The following MACROD2 variants were observed in gnomAD, a reference collection of about 807,000 sequenced individuals.
MACROD2 encodes ADP-ribose glycohydrolase MACROD2.
In MACROD2, 36 loss-of-function variants were observed where a neutral mutation model predicts 70.4. The ratio of observed to expected loss-of-function variants is 0.51; its 90% CI spans 0.39 to 0.68. MACROD2 has a LOEUF of 0.68. MACROD2 is among the 30% of genes least tolerant of loss of function. The pLI, the probability that MACROD2 is intolerant of heterozygous loss-of-function variation, is 0.00. For synonymous variants in MACROD2, 172 were observed against 178.8 expected (o/e 0.96, Z 0.30); for missense variants, 496 against 538.4 (o/e 0.92, Z 0.78).
intron 3 of MACROD2, among the ~76,000 whole-genome samples, chr20:14,349,914 A>T (rs1359898712): frequency 6.7e-6 from 1 of 149,018 alleles, no homozygotes; most frequent in Non-Finnish European, 1.5e-5. Context: ...ACGCCCGGCT[A>T]ATTTTTTGTA....
intron 3 of MACROD2, among the ~76,000 whole-genome samples, chr20:14,386,346 A>G (rs942408856): frequency 9.9e-5 from 15 of 152,246 alleles, no homozygotes; most frequent in African/African-American, 3.4e-4. Context: ...GAATTCTGCC[A>G]TACTCTACCC....
rs16995072 is a variant in MACROD2 at position 14,837,892 on chromosome 20, T to G, written c.418+152933T>G. ...TAGATTTTTTTTTTTCAATGATACA[T>G]TCCACATTCCCCCTGAGGGAAATGT... On this transcript the variant is annotated intron_variant, in intron 5 of 17. Transcript: ENST00000684519. Among the ~76,000 whole-genome samples, 733 of 151,600 alleles carry G rather than the reference T, an allele frequency of 4.8e-3. 8 individuals carry two copies. The highest frequency in any genetic ancestry group is 0.017 in the African/African-American group (701 of 41,398).
intron 3 of MACROD2, among the ~76,000 whole-genome samples, chr20:14,129,519 A>C (rs554542817): frequency 2.0e-5 from 3 of 152,352 alleles, no homozygotes; most frequent in African/African-American, 7.2e-5. Context: ...AGAATTTGGA[A>C]TATTACATAA....
At chr20:14,313,029 T>C (rs551938964) in intron 3 of MACROD2, among the ~76,000 whole-genome samples, 1 of 152,380 alleles carries the variant, frequency 6.6e-6, no homozygotes, top group East Asian at 1.9e-4. Context: ...TAAAAATGTC[T>C]ACATTTAACA....
intron 15 of MACROD2, among the ~76,000 whole-genome samples, chr20:15,990,542 A>G (rs1176784242): frequency 6.6e-6 from 1 of 152,222 alleles, no homozygotes; most frequent in Admixed American, 6.5e-5. Flanking sequence ...TGTAGTGTGG[A>G]ATAGTAATCC....
intron 5 of MACROD2, among the ~76,000 whole-genome samples, chr20:15,039,542 G>A (rs2075339345): frequency 2.6e-5 from 4 of 152,128 alleles, no homozygotes; most frequent in Admixed American, 6.5e-5. Flanking sequence ...TGCATGGCCA[G>A]GTGCCATACT....
intron 3 of MACROD2, among the ~76,000 whole-genome samples, chr20:14,249,557 A>G (rs2081994087): frequency 6.6e-6 from 1 of 152,086 alleles, no homozygotes; most frequent in South Asian, 2.1e-4. Context: ...TGTCTCCAGC[A>G]TCAAAATTAG....
chr20:15,069,641 A>G lies in MACROD2; in HGVS notation c.419-160299A>G, dbSNP rs146176549. 1.8e-3 allele frequency among the ~76,000 whole-genome samples: 278 copies of G among 152,346 alleles called. 3 individuals carry two copies. The highest frequency in any genetic ancestry group is 4.3e-3 in the South Asian group (21 of 4,832). On this transcript the variant is annotated intron_variant, in intron 5 of 17. Coordinates refer to ENST00000684519, the MANE Select transcript of MACROD2 (RefSeq NM_001351661.2). ...AGCTTCAGCTATAAGGGCCCCAGGTACAGCTTGGGCTGCCACTGTGGAGAG... is the reference window on the plus strand; with the variant it reads ...AGCTTCAGCTATAAGGGCCCCAGGTGCAGCTTGGGCTGCCACTGTGGAGAG...
At chr20:14,556,290 A>G (rs73901282) in intron 4 of MACROD2, among the ~76,000 whole-genome samples, 7,214 of 152,132 alleles carry the variant, frequency 0.047, 581 homozygotes, top group African/African-American at 0.16. Flanking sequence ...ATACAGTGCT[A>G]CGAAGATGGC....
chr20:14,226,742 C>G (rs898144367), intron 3 of MACROD2, among the ~76,000 whole-genome samples: 25 of 152,240 alleles, frequency 1.6e-4, no homozygotes, highest in Non-Finnish European at 3.4e-4. Context: ...GCTGCCTTCC[C>G]GCGGGGCAGG....
At chr20:14,168,432 TAAAG>T (rs1427610827) in intron 3 of MACROD2, among the ~76,000 whole-genome samples, 1 of 152,200 alleles carries the variant, frequency 6.6e-6, no homozygotes, top group Non-Finnish European at 1.5e-5. Context: ...GCTTAATTTT[TAAAG>T]AAAAATGGAG....
At chr20:14,479,402 C>T (rs145813615) in intron 3 of MACROD2, among the ~76,000 whole-genome samples, 27 of 152,198 alleles carry the variant, frequency 1.8e-4, no homozygotes, top group African/African-American at 5.5e-4. Flanking sequence ...ATCAGCTTAT[C>T]TTCAGTGGGG....
At chr20:15,613,331 C>T (rs2048995957) in intron 8 of MACROD2, among the ~76,000 whole-genome samples, 1 of 152,176 alleles carries the variant, frequency 6.6e-6, no homozygotes, top group African/African-American at 2.4e-5. Flanking sequence ...GGCATGTGAG[C>T]ATGGCAGCAT....
chr20:14,991,321 T>A (rs1412483532), intron 5 of MACROD2, among the ~76,000 whole-genome samples: 2 of 152,106 alleles, frequency 1.3e-5, no homozygotes, highest in Non-Finnish European at 2.9e-5. Flanking sequence ...AAGAATTGAC[T>A]ACACATCAAA....
At chr20:15,872,068 C>T (rs1370752994) in intron 9 of MACROD2, among the ~76,000 whole-genome samples, 1 of 152,152 alleles carries the variant, frequency 6.6e-6, no homozygotes, top group East Asian at 1.9e-4. Flanking sequence ...CTCCGTAATG[C>T]TTCTTCCCTT....
intron 15 of MACROD2, among the ~76,000 whole-genome samples, chr20:16,033,965 G>A (rs768275904): frequency 2.0e-5 from 3 of 151,950 alleles, no homozygotes; most frequent in East Asian, 3.9e-4. Flanking sequence ...TTGTTGAATG[G>A]CATTTGTTGT....
At chr20:14,447,670 A>G (rs570953414) in intron 3 of MACROD2, among the ~76,000 whole-genome samples, 131 of 151,978 alleles carry the variant, frequency 8.6e-4, no homozygotes, top group Non-Finnish European at 1.4e-3. Flanking sequence ...GGCCTTTGGA[A>G]GCTAAGTAGA....
chr20:14,114,327 C>A (rs2054489298), intron 3 of MACROD2, among the ~76,000 whole-genome samples: 1 of 152,122 alleles, frequency 6.6e-6, no homozygotes, highest in Non-Finnish European at 1.5e-5. Flanking sequence ...AAACCAGAAA[C>A]ACATTTTCTC....
chr20:14,453,376 T>A (rs2084265598), intron 3 of MACROD2, among the ~76,000 whole-genome samples: 1 of 152,170 alleles, frequency 6.6e-6, no homozygotes, highest in South Asian at 2.1e-4. Flanking sequence ...AGCTTCAGAC[T>A]GTTTGGCTGT....
Sources: gnomAD v4.1 joint callset for allele counts (sites outside exome capture counted in the v4.1 genomes callset) on GRCh38, gnomAD v4.1.1 for gene constraint, MANE v1.5 for transcripts, NCBI Gene and HGNC (gene_info 2026-07-23, HGNC 2026-07-21) for gene names.